ZNF385D: variants seen among roughly 807,000 people sequenced by gnomAD.
ZNF385D encodes the protein zinc finger protein 659.
ZNF385D carries 15 observed loss-of-function variants against 35.8 expected under a neutral mutation model. The ratio of observed to expected loss-of-function variants is 0.42; its 90% CI spans 0.28 to 0.64. The LOEUF is 0.64. Ranked by LOEUF, ZNF385D falls within the 30% of genes least tolerant of loss-of-function variation. ZNF385D has a pLI of 0.23. For synonymous variants in ZNF385D, 212 were observed against 186.8 expected (o/e 1.13, Z -1.10); for missense variants, 474 against 494.6 (o/e 0.96, Z 0.39).
intron 1 of ZNF385D, among the ~76,000 whole-genome samples, chr3:21,750,266 A>C (rs1441668246): frequency 6.6e-6 from 1 of 152,158 alleles, no homozygotes; most frequent in East Asian, 1.9e-4. Context: ...CTGAAAACCT[A>C]ACTGAGGTTT....
At chr3:22,345,543 C>A (rs1265902497) in intron 2 of ZNF385D, among the ~76,000 whole-genome samples, 1 of 152,164 alleles carries the variant, frequency 6.6e-6, no homozygotes, top group Non-Finnish European at 1.5e-5. Context: ...AGGCACATCC[C>A]CTGCTATCAT....
chr3:22,168,725 A>G (rs1259410758), intron 3 of ZNF385D: 1 of 779,996 alleles, frequency 1.3e-6, no homozygotes, highest in Non-Finnish European at 1.6e-6. Context: ...GGTTTAAAAA[A>G]ATAGTTCATT....
chr3:22,312,670 A>T (rs565472324), intron 2 of ZNF385D, among the ~76,000 whole-genome samples: 1 of 152,052 alleles, frequency 6.6e-6, no homozygotes, highest in Non-Finnish European at 1.5e-5. Context: ...ATCACTGGCC[A>T]TCAGAGAAAT....
intron 2 of ZNF385D, among the ~76,000 whole-genome samples, chr3:22,183,670 A>C (rs886567973): frequency 6.6e-6 from 1 of 152,206 alleles, no homozygotes; most frequent in East Asian, 1.9e-4. Context: ...TTATAAAAGT[A>C]TATTTCTATT....
chr3:22,065,064 TC>T (rs2125549398), intron 3 of ZNF385D, among the ~76,000 whole-genome samples: 1 of 152,286 alleles, frequency 6.6e-6, no homozygotes, highest in East Asian at 1.9e-4. Flanking sequence ...TAGCTATAAG[TC>T]CTTAAACAAA....
At chr3:21,898,595 C>T (rs1463699677) in intron 3 of ZNF385D, among the ~76,000 whole-genome samples, 4 of 152,044 alleles carry the variant, frequency 2.6e-5, no homozygotes, top group Non-Finnish European at 5.9e-5. Context: ...GTTGTAAATG[C>T]AACATCTCTA....
At chr3:22,018,761 T>C (rs1022080182) in intron 3 of ZNF385D, among the ~76,000 whole-genome samples, 1 of 152,000 alleles carries the variant, frequency 6.6e-6, no homozygotes, top group Non-Finnish European at 1.5e-5. Context: ...AAGATTCCTA[T>C]GTACATTGGG....
At chr3:22,227,944 A>G (rs1008152629) in intron 2 of ZNF385D, among the ~76,000 whole-genome samples, 8 of 152,252 alleles carry the variant, frequency 5.3e-5, no homozygotes, top group African/African-American at 1.9e-4. Context: ...ACTTCAATAA[A>G]AGTTGCTAAC....
chr3:22,142,592 C>A (rs533382299), intron 3 of ZNF385D, among the ~76,000 whole-genome samples: 1 of 151,926 alleles, frequency 6.6e-6, no homozygotes, highest in Admixed American at 6.6e-5. Flanking sequence ...TGGTCTCCAA[C>A]CCGAGAAACA....
chr3:22,066,582 A>C (rs1159280901), intron 3 of ZNF385D, among the ~76,000 whole-genome samples: 1 of 122,060 alleles, frequency 8.2e-6, no homozygotes. Flanking sequence ...GTGTGTGTGT[A>C]AGTAAAAAGA....
chr3:21,914,381 CTTTTT>C (rs5847151), intron 3 of ZNF385D, among the ~76,000 whole-genome samples: 179 of 138,722 alleles, frequency 1.3e-3, no homozygotes, highest in South Asian at 4.5e-3. Flanking sequence ...TTTTGTTTGA[CTTTTT>C]TTTTTTTTTT....
rs532246860 is a variant in ZNF385D at position 22,037,519 on chromosome 3, A to G, written c.325+131298T>C. ...GCTGCATAAATGTCTTCTTTTGAGA[A>G]GTGTCTGTTCATATCCTTCACCCAC... On this transcript the variant is annotated intron_variant, in intron 3 of 5. Transcript: ENST00000494108. 1.2e-3 allele frequency among the ~76,000 whole-genome samples: 189 copies of G among 152,196 alleles called. 5 individuals are homozygous for G. The highest frequency in any genetic ancestry group is 3.1e-4 in the Non-Finnish European group (21 of 68,006).
At chr3:21,781,222 G>C (rs763917318) in intron 3 of ZNF385D, among the ~76,000 whole-genome samples, 13 of 151,984 alleles carry the variant, frequency 8.6e-5, no homozygotes, top group Non-Finnish European at 1.5e-4. Context: ...AGCGAGAAAA[G>C]GGAAAGGAAA....
chr3:21,497,009 T>C (rs1416009471), intron 4 of ZNF385D, among the ~76,000 whole-genome samples: 1 of 152,038 alleles, frequency 6.6e-6, no homozygotes, highest in Admixed American at 6.6e-5. Context: ...ATGGCCTCTC[T>C]CACGACTCCT....
intron 3 of ZNF385D, among the ~76,000 whole-genome samples, chr3:22,062,299 C>T (rs1305718754): frequency 6.6e-6 from 1 of 152,166 alleles, no homozygotes; most frequent in Non-Finnish European, 1.5e-5. Flanking sequence ...AAGCAATCCA[C>T]CCGCCTCAGC....
In ZNF385D at chr3:21,732,026, C is replaced by T. The variant is rs1440349591; in HGVS notation, c.22+18869G>A. Among the ~76,000 whole-genome samples the T allele has an allele frequency of 3.7e-4, 9 of 24,122 alleles. 1 individual carries two copies. Among genetic ancestry groups the T allele is most frequent in the East Asian group, 1.3e-3 (1 of 756 alleles). The allele number at this position is 24,122 out of a possible 152,430, so 15.8% of individuals were successfully genotyped here. A position where few individuals can be genotyped will look rare whatever the true frequency, so the allele number is the denominator to read the frequency against. On this transcript the variant is annotated intron_variant, in intron 1 of 7. Transcript: ENST00000281523. ...TCTATTCAGGGTTTTTTTCTTTTTTCGGGGTTTTTTTTTTTTTTTTTTTTT... is the reference window on the plus strand; with the variant it reads ...TCTATTCAGGGTTTTTTTCTTTTTTTGGGGTTTTTTTTTTTTTTTTTTTTT...
chr3:22,122,449 C>T (rs527959370), intron 3 of ZNF385D, among the ~76,000 whole-genome samples: 29 of 152,006 alleles, frequency 1.9e-4, no homozygotes, highest in Middle Eastern at 3.4e-3. Context: ...GAAATATTGT[C>T]TACTATGAAA....
intron 3 of ZNF385D, among the ~76,000 whole-genome samples, chr3:21,551,230 A>C (rs962549763): frequency 2.6e-5 from 4 of 152,298 alleles, no homozygotes; most frequent in Admixed American, 2.6e-4. Flanking sequence ...CCTCCATGCC[A>C]TTGTAGTAAC....
intron 2 of ZNF385D, among the ~76,000 whole-genome samples, chr3:22,276,175 T>G (rs1259866949): frequency 6.6e-6 from 1 of 152,114 alleles, no homozygotes; most frequent in East Asian, 1.9e-4. Flanking sequence ...TATGAATTAA[T>G]TTAAATTTCT....
Sources: gnomAD v4.1 joint callset for allele counts (sites outside exome capture counted in the v4.1 genomes callset) on GRCh38, gnomAD v4.1.1 for gene constraint, MANE v1.5 for transcripts, NCBI Gene and HGNC (gene_info 2026-07-23, HGNC 2026-07-21) for gene names.